JAK1: variants seen among roughly 807,000 people sequenced by gnomAD.
The protein encoded by JAK1 is tyrosine-protein kinase JAK1.
In JAK1, 16 loss-of-function variants were observed where a neutral mutation model predicts 136.6. That is an observed-to-expected ratio of 0.12 (90% CI 0.08 to 0.18). JAK1 has a LOEUF of 0.18. Among genes scored for constraint, JAK1 ranks in the 10% least tolerant of loss-of-function variants. The probability of loss-of-function intolerance (pLI) is 1.00; values close to 1 mark genes in which losing one functional copy is unlikely to be tolerated. For missense variants in JAK1, 859 were observed against 1,450.1 expected (o/e 0.59, Z 6.62); for synonymous variants, 492 against 519.5 (o/e 0.95, Z 0.72).
intron 2 of JAK1, among the ~76,000 whole-genome samples, chr1:64,977,224 A>G (rs1186491677): frequency 6.6e-6 from 1 of 151,834 alleles, no homozygotes; most frequent in African/African-American, 2.4e-5. Context: ...ACCACAGCTC[A>G]CTCCAGCCTT....
intron 4 of JAK1, among the ~76,000 whole-genome samples, chr1:64,878,561 G>GTGTATATATA (rs1298801037): frequency 9.2e-5 from 11 of 119,954 alleles, no homozygotes; most frequent in East Asian, 5.2e-4. Context: ...TATATAGTGT[G>GTGTATATATA]TATATATATA....
At chr1:64,885,417 A>T (rs898835988) in intron 2 of JAK1, among the ~76,000 whole-genome samples, 1 of 152,230 alleles carries the variant, frequency 6.6e-6, no homozygotes, top group African/African-American at 2.4e-5. Context: ...AAACAGGCAA[A>T]TGCATGTAAT....
chr1:64,987,830 C>G (rs529699520), intron 2 of JAK1, among the ~76,000 whole-genome samples: 3 of 152,298 alleles, frequency 2.0e-5, no homozygotes, highest in African/African-American at 7.2e-5. Flanking sequence ...AAATGTTGTT[C>G]TCACAGAAGA....
chr1:64,840,253 G>C (rs147333776), intron 19 of JAK1, among the ~76,000 whole-genome samples: 1 of 152,140 alleles, frequency 6.6e-6, no homozygotes, highest in Non-Finnish European at 1.5e-5. Context: ...CCCCAAATCG[G>C]AGCTGGCTCC....
At chr1:65,029,044 G>A (rs1647001569) in intron 2 of JAK1, among the ~76,000 whole-genome samples, 1 of 152,072 alleles carries the variant, frequency 6.6e-6, no homozygotes, top group Non-Finnish European at 1.5e-5. Flanking sequence ...CTCAATATCA[G>A]TTACCCAATC....
chr1:64,963,815 A>C (rs1646325985), intron 1 of JAK1, among the ~76,000 whole-genome samples: 1 of 152,166 alleles, frequency 6.6e-6, no homozygotes, highest in South Asian at 2.1e-4. Context: ...AGGACTTCTT[A>C]ACCTGGGCAC....
At chr1:64,906,357 G>A (rs1038661323) in intron 1 of JAK1, among the ~76,000 whole-genome samples, 3 of 150,346 alleles carry the variant, frequency 2.0e-5, no homozygotes, top group African/African-American at 7.3e-5. Context: ...GAAGTTAACA[G>A]GCATCCAAAC....
intron 2 of JAK1, among the ~76,000 whole-genome samples, chr1:64,999,184 T>C (rs982319641): frequency 1.3e-5 from 2 of 152,178 alleles, no homozygotes; most frequent in Non-Finnish European, 2.9e-5. Context: ...TAAATCACTT[T>C]CTCCTGTTGC....
At chr1:64,966,964 G>C (rs1320604875), upstream of JAK1, among the ~76,000 whole-genome samples, 2 of 151,988 alleles carry the variant, frequency 1.3e-5, no homozygotes, top group African/African-American at 2.4e-5. Flanking sequence ...AGAGGAGCTA[G>C]TGGAGCACTA....
chr1:64,951,649 C>CTTTT lies in JAK1; in HGVS notation c.-78+14680_-78+14683dup, dbSNP rs71056071. ...GCCCTTAGCTATAAACAAGTTCTGC[C>CTTTT]TTTTTTTTTTTTTTTTTTTTTTTTT... On this transcript the variant is annotated intron_variant, in intron 1 of 24. Transcript: ENST00000342505. Among the ~76,000 whole-genome samples, 21 of 76,986 alleles carry CTTTT rather than the reference C, an allele frequency of 2.7e-4. 2 individuals carry two copies. Among genetic ancestry groups the CTTTT allele is most frequent in the African/African-American group, 9.3e-4 (18 of 19,454 alleles). The allele number at this position is 76,986 out of a possible 152,430, so 50.5% of individuals were successfully genotyped here. A position where few individuals can be genotyped will look rare whatever the true frequency, so the allele number is the denominator to read the frequency against.
At chr1:65,044,789 T>C (rs1163680422) in intron 1 of JAK1, among the ~76,000 whole-genome samples, 2 of 152,218 alleles carry the variant, frequency 1.3e-5, no homozygotes, top group African/African-American at 4.8e-5. Context: ...ACAGCAAGAT[T>C]CATAGCTCCA....
chr1:64,900,071 T>C (rs1419266537), intron 1 of JAK1, among the ~76,000 whole-genome samples: 1 of 152,206 alleles, frequency 6.6e-6, no homozygotes, highest in Non-Finnish European at 1.5e-5. Context: ...ACTACACTAA[T>C]GAGGGGAGAA....
At chr1:64,995,872 G>A (rs1004036002) in intron 2 of JAK1, among the ~76,000 whole-genome samples, 37 of 151,998 alleles carry the variant, frequency 2.4e-4, no homozygotes, top group African/African-American at 8.5e-4. Flanking sequence ...CTGAGTAGCC[G>A]GGACTACAGC....
upstream of JAK1, chr1:64,966,636 G>C (rs184586943): frequency 2.9e-3 from 417 of 145,726 alleles, 3 homozygotes; most frequent in African/African-American, 0.01. Context: ...GTCACCAGCG[G>C]CAGCCCCGGA....
At chr1:65,055,485 C>T (rs10889517) in intron 1 of JAK1, among the ~76,000 whole-genome samples, 102,388 of 152,024 alleles carry the variant, frequency 0.67, 35,570 homozygotes, top group Non-Finnish European at 0.76. Flanking sequence ...GTCAGAGTGC[C>T]GCCTTTCACA....
At chr1:64,934,450 A>G (rs1645752715) in intron 1 of JAK1, among the ~76,000 whole-genome samples, 2 of 152,072 alleles carry the variant, frequency 1.3e-5, no homozygotes, top group South Asian at 4.1e-4. Context: ...CTGCAAGCAG[A>G]GGTTGTCGTG....
chr1:64,965,832 C>A (rs2100651283), intron 1 of JAK1, among the ~76,000 whole-genome samples: 1 of 152,108 alleles, frequency 6.6e-6, no homozygotes, highest in South Asian at 2.1e-4. Flanking sequence ...CTTTCCCTCG[C>A]TGAGACCGCA....
At chr1:65,002,881 G>A (rs1209075559) in intron 2 of JAK1, among the ~76,000 whole-genome samples, 3 of 152,240 alleles carry the variant, frequency 2.0e-5, no homozygotes, top group Admixed American at 6.5e-5. Context: ...CCCCCGGGAG[G>A]GGACGCACGC....
At position 64,845,623 on chromosome 1, in the gene JAK1, A is replaced by C. The variant is rs1204510385; in HGVS notation, c.2005T>G (p.Phe669Val). The C allele has an allele frequency of 4.3e-6, 7 of 1,613,488 alleles. No homozygotes were observed. Among genetic ancestry groups the C allele is most frequent in the African/African-American group, 1.3e-5 (1 of 74,708 alleles). ...AGATCCAGAGGACCCCCTTCCACAA[A>C]CTCTTCCACCATGATATCTGTAGGC... is the stretch of plus-strand genomic sequence containing the variant. ...RDVENIMVEE[F>V]VEGGPLDLFM... The change falls in exon 15 of 25, where the codon TTT becomes GTT. Residue 669 changes from phenylalanine to valine, a missense_variant. Physicochemically the swap from Phe to Val is conservative, Grantham distance 50. Coordinates refer to ENST00000342505, the MANE Select transcript of JAK1 (RefSeq NM_002227.4).
Sources: allele counts gnomAD v4.1 joint callset (sites outside exome capture counted in the v4.1 genomes callset), GRCh38; gene constraint gnomAD v4.1.1; transcripts MANE v1.5; gene names NCBI Gene and HGNC (gene_info 2026-07-23, HGNC 2026-07-21).